The following AUTS2 variants were observed in gnomAD, a reference collection of about 807,000 sequenced individuals.
The protein encoded by AUTS2 is activator of transcription and developmental regulator AUTS2, also known as autism susceptibility gene 2 protein.
Under a neutral mutation model 112.4 loss-of-function variants are expected in AUTS2, and 17 were observed. The observed-to-expected ratio is 0.15, with a 90% CI of 0.10 to 0.23. The LOEUF (loss-of-function observed/expected upper bound fraction) is 0.23, where lower values mean the gene tolerates loss of function less well. Ranked by LOEUF, AUTS2 falls within the 10% of genes least tolerant of loss-of-function variation. The pLI, the probability that AUTS2 is intolerant of heterozygous loss-of-function variation, is 1.00. For missense variants in AUTS2, 1,510 were observed against 1,701.6 expected (o/e 0.89, Z 1.98); for synonymous variants, 751 against 702.7 (o/e 1.07, Z -1.09).
At chr7:70,290,556 A>G in intron 4 of AUTS2, 3 of 1,494,054 alleles carry the variant, frequency 2.0e-6, no homozygotes, top group Non-Finnish European at 2.7e-6. Context: ...ACTCTATGTG[A>G]TATAGATTCT....
chr7:70,154,385 A>C (rs899158439), intron 4 of AUTS2, among the ~76,000 whole-genome samples: 1 of 152,202 alleles, frequency 6.6e-6, no homozygotes, highest in Admixed American at 6.5e-5. Context: ...TCTAATAAGC[A>C]AAAGAGGGGT....
chr7:70,141,968 A>C (rs1267305027), intron 4 of AUTS2, among the ~76,000 whole-genome samples: 1 of 152,236 alleles, frequency 6.6e-6, no homozygotes, highest in Non-Finnish European at 1.5e-5. Flanking sequence ...CATTCAGTAC[A>C]AGGGAACTGA....
At chr7:70,166,067 C>G (rs1808365597) in intron 4 of AUTS2, among the ~76,000 whole-genome samples, 1 of 152,120 alleles carries the variant, frequency 6.6e-6, no homozygotes, top group Non-Finnish European at 1.5e-5. Context: ...TCCCCTTCAC[C>G]TTCTGCCATG....
chr7:70,117,125 TTGTTTTTTTTTG>T (rs766464049), intron 2 of AUTS2, among the ~76,000 whole-genome samples: 9,610 of 122,520 alleles, frequency 0.078, 631 homozygotes, highest in East Asian at 0.12. Flanking sequence ...TTGTTTTTTT[TTGTTTTTTTTTG>T]TTTTTTTTTT....
Position 70,774,034 on chromosome 7 carries a change from A to C in AUTS2, c.1837A>C (p.Asn613His). The C allele has an allele frequency of 6.2e-7, 1 of 1,614,198 alleles. No homozygotes were observed. The highest frequency in any genetic ancestry group is 8.5e-7 in the Non-Finnish European group (1 of 1,180,028). ...LQGAFQPKTS[N>H]PIDVAARPGT... ...TGGTCTAATTAATTTGTAGACATCC[A>C]ACCCTATCGATGTCGCTGCTCGGCC... The change falls in exon 12 of 19, where the codon AAC becomes CAC. Residue 613 changes from asparagine to histidine, a missense_variant. Around this residue, in one of 3 missense-constraint regions of AUTS2, gnomAD observed 187 missense variants for 309.7 expected, o/e 0.60. Coordinates refer to ENST00000342771, the MANE Select transcript of AUTS2 (RefSeq NM_015570.4).
chr7:70,414,437 C>A (rs1412221854), intron 4 of AUTS2, among the ~76,000 whole-genome samples: 5 of 152,170 alleles, frequency 3.3e-5, no homozygotes. Context: ...CATGGGTGAT[C>A]TGGGCACAGA....
At chr7:70,777,577 A>G (rs1015629947) in intron 14 of AUTS2, among the ~76,000 whole-genome samples, 1 of 152,158 alleles carries the variant, frequency 6.6e-6, no homozygotes, top group Admixed American at 6.5e-5. Flanking sequence ...GGCCCCAAGC[A>G]GTTCTCCCAC....
At chr7:70,538,599 T>C (rs1184641763) in intron 5 of AUTS2, among the ~76,000 whole-genome samples, 3 of 152,242 alleles carry the variant, frequency 2.0e-5, no homozygotes, top group African/African-American at 7.2e-5. Context: ...TAGTCTTTAA[T>C]ATCAGGAGGA....
chr7:69,627,660 T>C (rs760898304), intron 1 of AUTS2, among the ~76,000 whole-genome samples: 1 of 152,066 alleles, frequency 6.6e-6, no homozygotes, highest in Non-Finnish European at 1.5e-5. Flanking sequence ...ATCCTGTGGA[T>C]TAAGAGTAGG....
At chr7:69,948,735 T>C (rs1317639685) in intron 2 of AUTS2, among the ~76,000 whole-genome samples, 1 of 152,064 alleles carries the variant, frequency 6.6e-6, no homozygotes, top group East Asian at 1.9e-4. Context: ...GTAAGATGTG[T>C]TAATAGCATT....
chr7:70,718,755 A>C (rs1365667962), intron 6 of AUTS2, among the ~76,000 whole-genome samples: 1 of 152,182 alleles, frequency 6.6e-6, no homozygotes, highest in Non-Finnish European at 1.5e-5. Flanking sequence ...ACTTCAAACA[A>C]AGAAACCTTT....
chr7:69,872,007 C>G (rs1030051063), intron 1 of AUTS2, among the ~76,000 whole-genome samples: 1 of 152,184 alleles, frequency 6.6e-6, no homozygotes, highest in African/African-American at 2.4e-5. Context: ...CAGGAATTCG[C>G]TCGCGCCTGT....
At chr7:69,878,665 T>C (rs1245671380) in intron 1 of AUTS2, among the ~76,000 whole-genome samples, 1 of 152,210 alleles carries the variant, frequency 6.6e-6, no homozygotes, top group East Asian at 1.9e-4. Context: ...TTGGACAGGA[T>C]AGAGCTTTTA....
intron 1 of AUTS2, among the ~76,000 whole-genome samples, chr7:69,898,887 C>T (rs1457206441): frequency 6.6e-6 from 1 of 152,146 alleles, no homozygotes; most frequent in East Asian, 1.9e-4. Flanking sequence ...ATTGAGCATG[C>T]ACTTAGTGCT....
chr7:69,627,217 G>A (rs1351801525), intron 1 of AUTS2, among the ~76,000 whole-genome samples: 1 of 152,186 alleles, frequency 6.6e-6, no homozygotes, highest in Non-Finnish European at 1.5e-5. Context: ...AGGCGGCCAG[G>A]CACAGTGGCT....
At chr7:69,644,771 CTTCA>C (rs1280663623) in intron 1 of AUTS2, among the ~76,000 whole-genome samples, 1 of 152,102 alleles carries the variant, frequency 6.6e-6, no homozygotes, top group East Asian at 1.9e-4. Flanking sequence ...ATTTATTTGG[CTTCA>C]TTCATTTTGC....
chr7:70,397,125 A>G (rs1794122636), intron 4 of AUTS2, among the ~76,000 whole-genome samples: 1 of 150,988 alleles, frequency 6.6e-6, no homozygotes, highest in Admixed American at 6.6e-5. Flanking sequence ...GCTCAATGGC[A>G]CGATCTCGGC....
intron 2 of AUTS2, among the ~76,000 whole-genome samples, chr7:70,007,043 G>C (rs1255957153): frequency 6.6e-6 from 1 of 152,040 alleles, no homozygotes; most frequent in Non-Finnish European, 1.5e-5. Context: ...TTTTCACAGG[G>C]CTGTTTATCC....
At chr7:69,665,400 A>ACTAGACTGAGCTTAC (rs1279018551) in intron 1 of AUTS2, among the ~76,000 whole-genome samples, 5 of 152,250 alleles carry the variant, frequency 3.3e-5, no homozygotes, top group Non-Finnish European at 5.9e-5. Context: ...TTTTTAAGGC[A>ACTAGACTGAGCTTAC]CTAGACTGAG....
Sources: gnomAD v4.1 joint callset for allele counts (sites outside exome capture counted in the v4.1 genomes callset) on GRCh38, gnomAD v4.1.1 for gene constraint, gnomAD v4.1.1 regional missense constraint, MANE v1.5 for transcripts, NCBI Gene and HGNC (gene_info 2026-07-23, HGNC 2026-07-21) for gene names.